Variants in APBB2 observed in about 807,000 individuals in gnomAD.
APBB2 encodes the protein amyloid beta precursor protein binding family B member 2.
APBB2 carries 38 observed loss-of-function variants against 82.5 expected under a neutral mutation model. That is an observed-to-expected ratio of 0.46 (90% CI 0.36 to 0.60). APBB2 has a LOEUF of 0.60. APBB2 is among the 20% of genes least tolerant of loss of function. The pLI is 0.00. For missense variants in APBB2, 772 were observed against 972.3 expected, an observed-to-expected ratio of 0.79 and a Z score of 2.74; for synonymous variants, 341 against 368.2, an observed-to-expected ratio of 0.93 and a Z score of 0.85.
chr4:41,021,544 A>G (rs567859265), intron 5 of APBB2, among the ~76,000 whole-genome samples: 7 of 152,238 alleles, frequency 4.6e-5, no homozygotes, highest in Non-Finnish European at 1.0e-4. Flanking sequence ...CACACCAATC[A>G]GCACTCTGTA....
chr4:41,020,319 A>G (rs912896363), intron 5 of APBB2, among the ~76,000 whole-genome samples: 2 of 152,196 alleles, frequency 1.3e-5, no homozygotes, highest in Non-Finnish European at 2.9e-5. Context: ...CAAAGGTCCA[A>G]CTAGATCTAG....
chr4:40,991,011 AT>A (rs796337000), intron 6 of APBB2, among the ~76,000 whole-genome samples: 136 of 134,782 alleles, frequency 1.0e-3, no homozygotes, highest in Non-Finnish European at 1.0e-3. Flanking sequence ...ACTGAGTTTC[AT>A]TTTTTTTTTT....
intron 6 of APBB2, among the ~76,000 whole-genome samples, chr4:41,011,782 A>G (rs1415799996): frequency 6.6e-6 from 1 of 152,076 alleles, no homozygotes; most frequent in Non-Finnish European, 1.5e-5. Context: ...TTCTGAGAGG[A>G]AATAAAAACA....
intron 12 of APBB2, among the ~76,000 whole-genome samples, chr4:40,851,738 A>ATATATATATATT (rs1192919460): frequency 4.5e-3 from 303 of 67,646 alleles, no homozygotes; most frequent in Non-Finnish European, 9.1e-3. Context: ...ATATATATAT[A>ATATATATATATT]TTTTTTTTTT....
At chr4:41,141,109 T>C (rs1759006077) in intron 2 of APBB2, among the ~76,000 whole-genome samples, 1 of 152,140 alleles carries the variant, frequency 6.6e-6, no homozygotes, top group Non-Finnish European at 1.5e-5. Context: ...ACTGCTGCCC[T>C]ACACCATGAG....
chr4:41,105,155 A>T (rs1217379082), intron 2 of APBB2, among the ~76,000 whole-genome samples: 1 of 152,258 alleles, frequency 6.6e-6, no homozygotes, highest in African/African-American at 2.4e-5. Context: ...AGCAGTTAAC[A>T]TTCAGCATAC....
chr4:40,933,834 C>G (rs1398507102), intron 10 of APBB2, among the ~76,000 whole-genome samples: 3 of 152,206 alleles, frequency 2.0e-5, no homozygotes, highest in African/African-American at 7.2e-5. Context: ...AATTTCCTGA[C>G]AGCAACCTTG....
chr4:41,091,625 C>T (rs371003622), intron 3 of APBB2, among the ~76,000 whole-genome samples: 12 of 152,286 alleles, frequency 7.9e-5, no homozygotes, highest in African/African-American at 2.9e-4. Flanking sequence ...CAACACCTTG[C>T]AGAGTTATCT....
chr4:40,915,803 G>A (rs1156423588), intron 10 of APBB2, among the ~76,000 whole-genome samples: 1 of 152,098 alleles, frequency 6.6e-6, no homozygotes, highest in Non-Finnish European at 1.5e-5. Context: ...ACAGCATGGA[G>A]ACCCAGAACA....
chr4:40,811,584 G>A lies in APBB2; in HGVS notation c.*4508C>T, dbSNP rs1186001362. On this transcript the variant is annotated 3_prime_UTR_variant, in exon 18 of 18. Coordinates refer to ENST00000508593, the MANE Select transcript of APBB2 (RefSeq NM_004307.2). ...GCAATATGAGGGAATTCTAATGAAG[G>A]AGAATATTGATTCCACTGACATGTT... The A allele has an allele frequency of 1.3e-5, 2 of 151,664 alleles. No homozygotes were observed. Among genetic ancestry groups the A allele is most frequent in the African/African-American group, 2.4e-5 (1 of 41,280 alleles). The allele number at this position is 151,664 out of a possible 1,614,324, so 9.4% of individuals were successfully genotyped here.
intron 12 of APBB2, among the ~76,000 whole-genome samples, chr4:40,851,738 A>ATTT (rs869027470): frequency 2.1e-4 from 14 of 67,734 alleles, no homozygotes; most frequent in African/African-American, 4.9e-4. Context: ...ATATATATAT[A>ATTT]TTTTTTTTTT....
chr4:40,887,883 C>A (rs763213765), intron 12 of APBB2, among the ~76,000 whole-genome samples: 1 of 152,192 alleles, frequency 6.6e-6, no homozygotes, highest in Admixed American at 6.5e-5. Flanking sequence ...ATACAGCCCA[C>A]GTTTCAAAAA....
chr4:41,044,733 C>T (rs1722776887), intron 4 of APBB2, among the ~76,000 whole-genome samples: 1 of 152,096 alleles, frequency 6.6e-6, no homozygotes, highest in African/African-American at 2.4e-5. Flanking sequence ...ACTGTTTTTC[C>T]CTTTTTTGTC....
In APBB2 at chr4:40,944,846, A is replaced by G. The variant is rs1301899607; in HGVS notation, c.1044+19T>C. On this transcript the variant is annotated intron_variant, in intron 7 of 17. Transcript: ENST00000508593. The stretch of plus-strand genomic sequence containing the variant: ...TTACATCTATTCTACTAAGCTGGTA[A>G]AAAGACACTCCGTTTTACCTCGTTC... The G allele has an allele frequency of 1.2e-6, 2 of 1,611,120 alleles. No homozygotes were observed. The highest frequency in any genetic ancestry group is 1.7e-6 in the Non-Finnish European group (2 of 1,179,282).
chr4:41,178,681 T>C (rs974345665), intron 1 of APBB2, among the ~76,000 whole-genome samples: 17 of 152,174 alleles, frequency 1.1e-4, no homozygotes, highest in African/African-American at 4.1e-4. Context: ...TCATAAATTT[T>C]CTCATCTGAC....
chr4:40,895,851 A>G (rs1773519140), intron 10 of APBB2, among the ~76,000 whole-genome samples: 1 of 152,192 alleles, frequency 6.6e-6, no homozygotes, highest in African/African-American at 2.4e-5. Context: ...TGAGGTTGAT[A>G]CTAAGTTACT....
rs1325874226 is a variant in APBB2, at chr4:41,033,295, A to G, written c.-41T>C. 1.3e-6 allele frequency: 2 copies of G among 1,577,426 alleles called. No individual in the cohort carries two copies. Among genetic ancestry groups the G allele is most frequent in the African/African-American group, 1.4e-5 (1 of 73,100 alleles). On this transcript the variant is annotated 5_prime_UTR_variant, in exon 5 of 18. Transcript: ENST00000508593. ...AGCAATGGTGCAGGAAATAGGTTAT[A>G]ATTTGAAATCTAAAAAGAAGGGATC...
rs193177379 is a variant in APBB2, at chr4:40,897,561, C to T, written c.1255-4150G>A. Among the ~76,000 whole-genome samples the T allele has an allele frequency of 1.4e-3, 212 of 152,226 alleles. 1 individual carries two copies. The highest frequency in any genetic ancestry group is 4.9e-3 in the African/African-American group (205 of 41,532). ...TTTTGTCATACTGATGAATATAAGC[C>T]TGACATATTACTATAGTGAGTTTAT... On this transcript the variant is annotated intron_variant, in intron 10 of 17. Coordinates refer to ENST00000508593, the MANE Select transcript of APBB2 (RefSeq NM_004307.2).
intron 3 of APBB2, among the ~76,000 whole-genome samples, chr4:41,075,509 A>G (rs1234330712): frequency 6.6e-6 from 1 of 152,210 alleles, no homozygotes; most frequent in Admixed American, 6.5e-5. Context: ...CAAGGGTCCA[A>G]CATTATTCAT....
Sources: allele counts gnomAD v4.1 joint callset (sites outside exome capture counted in the v4.1 genomes callset), GRCh38; gene constraint gnomAD v4.1.1; transcripts MANE v1.5; gene names NCBI Gene and HGNC (gene_info 2026-07-23, HGNC 2026-07-21).